ZSWIM6: variants seen among roughly 807,000 people sequenced by gnomAD.
ZSWIM6 encodes zinc finger SWIM domain-containing protein 6.
ZSWIM6 carries 9 observed loss-of-function variants against 113.2 expected under a neutral mutation model. That is an observed-to-expected ratio of 0.08 (90% CI 0.05 to 0.14). The LOEUF is 0.14. Ranked by LOEUF, ZSWIM6 falls within the 10% of genes least tolerant of loss-of-function variation. The pLI, the probability that ZSWIM6 is intolerant of heterozygous loss-of-function variation, is 1.00. For synonymous variants in ZSWIM6, 611 were observed against 606.5 expected (o/e 1.01, Z -0.11); for missense variants, 1,162 against 1,552.2 (o/e 0.75, Z 4.22).
At chr5:61,370,289 A>G (rs1745239216) in intron 1 of ZSWIM6, among the ~76,000 whole-genome samples, 1 of 152,258 alleles carries the variant, frequency 6.6e-6, no homozygotes, top group African/African-American at 2.4e-5. Context: ...AGAAGCAATG[A>G]AACCACATTT....
intron 4 of ZSWIM6, among the ~76,000 whole-genome samples, chr5:61,517,637 C>T (rs906870466): frequency 6.6e-6 from 1 of 151,722 alleles, no homozygotes; most frequent in Non-Finnish European, 1.5e-5. Flanking sequence ...CTGTTTTTTC[C>T]CCTTGAGAAT....
Position 61,530,207 on chromosome 5 carries a change from A to G in ZSWIM6, c.1984+9A>G. The G allele has an allele frequency of 6.5e-7, 1 of 1,544,990 alleles. No homozygotes were observed. The highest frequency in any genetic ancestry group is 1.2e-5 in the South Asian group (1 of 83,464). On this transcript the variant is annotated intron_variant, in intron 8 of 13. Coordinates refer to ENST00000252744, the MANE Select transcript of ZSWIM6 (RefSeq NM_020928.2). ...GTTCTCAGATTTTACAGGTAAAACC[A>G]TTGACATTTGTCTCATGTGCTTTTC...
intron 1 of ZSWIM6, among the ~76,000 whole-genome samples, chr5:61,393,694 C>T (rs897614686): frequency 3.4e-5 from 5 of 148,756 alleles, no homozygotes; most frequent in Admixed American, 1.4e-4. Context: ...GCTGAGATGG[C>T]GCCATTGCAC....
At chr5:61,512,517 A>G (rs1010901339) in intron 4 of ZSWIM6, among the ~76,000 whole-genome samples, 1 of 152,152 alleles carries the variant, frequency 6.6e-6, no homozygotes. Context: ...GTCAAAATAC[A>G]TTTAACTTCA....
chr5:61,337,508 T>G (rs1319237778), intron 1 of ZSWIM6, among the ~76,000 whole-genome samples: 2 of 152,250 alleles, frequency 1.3e-5, no homozygotes, highest in East Asian at 3.8e-4. Flanking sequence ...TGTATAGTGA[T>G]GCTCATTGCA....
chr5:61,525,703 G>A, intron 5 of ZSWIM6, 97 bp from the exon 6 acceptor site: 2 of 1,366,416 alleles, frequency 1.5e-6, no homozygotes, highest in Non-Finnish European at 2.0e-6. Flanking sequence ...CAATGTGTGT[G>A]GGTGTGTTCA....
chr5:61,384,902 A>C (rs572576314), intron 1 of ZSWIM6, among the ~76,000 whole-genome samples: 107 of 152,254 alleles, frequency 7.0e-4, no homozygotes, highest in African/African-American at 2.5e-3. Context: ...CTAAAAATAC[A>C]AAAAATAATT....
intron 1 of ZSWIM6, chr5:61,391,374 G>T (rs1249874046): frequency 1.2e-6 from 1 of 838,216 alleles, no homozygotes; most frequent in Non-Finnish European, 2.1e-6. Flanking sequence ...GGCACATCTG[G>T]GTGTAGGCAA....
intron 1 of ZSWIM6, among the ~76,000 whole-genome samples, chr5:61,424,638 C>T (rs1746426834): frequency 6.6e-6 from 1 of 152,044 alleles, no homozygotes; most frequent in Non-Finnish European, 1.5e-5. Context: ...CAGTAGCCCA[C>T]TCATGCTATG....
At chr5:61,387,633 A>C (rs1440455874) in intron 1 of ZSWIM6, among the ~76,000 whole-genome samples, 3 of 152,126 alleles carry the variant, frequency 2.0e-5, no homozygotes, top group Non-Finnish European at 4.4e-5. Flanking sequence ...TAGGTTGGGC[A>C]CAGTGGCTCA....
chr5:61,491,938 A>G (rs1206734730), intron 3 of ZSWIM6, among the ~76,000 whole-genome samples: 2 of 152,112 alleles, frequency 1.3e-5, no homozygotes, highest in South Asian at 2.1e-4. Context: ...GTAGATTGCA[A>G]ATTTCCCCAG....
At chr5:61,389,220 C>G (rs536807860) in intron 1 of ZSWIM6, among the ~76,000 whole-genome samples, 1 of 152,186 alleles carries the variant, frequency 6.6e-6, no homozygotes, top group South Asian at 2.1e-4. Flanking sequence ...ACATTTGTAT[C>G]CTGAAGTACA....
At chr5:61,510,604 A>T (rs895226002) in intron 4 of ZSWIM6, among the ~76,000 whole-genome samples, 1 of 151,860 alleles carries the variant, frequency 6.6e-6, no homozygotes, top group Non-Finnish European at 1.5e-5. Flanking sequence ...AGTATGGAAT[A>T]GGCAGTATTA....
chr5:61,480,998 G>T (rs1420044166), intron 2 of ZSWIM6, among the ~76,000 whole-genome samples: 1 of 152,098 alleles, frequency 6.6e-6, no homozygotes, highest in East Asian at 1.9e-4. Flanking sequence ...GCCTGAATAG[G>T]TTGAATTTGA....
chr5:61,490,013 G>A (rs764647830), intron 2 of ZSWIM6, among the ~76,000 whole-genome samples: 9 of 151,994 alleles, frequency 5.9e-5, no homozygotes, highest in Non-Finnish European at 1.0e-4. Context: ...ACAGTTTTTA[G>A]ATCTAATTTT....
At chr5:61,505,675 T>TCC (rs1561268420) in intron 4 of ZSWIM6, among the ~76,000 whole-genome samples, 1 of 38,062 alleles carries the variant, frequency 2.6e-5, no homozygotes. Context: ...TCCTTCCTTC[T>TCC]TTCCTTGCCT....
At chr5:61,363,622 G>T (rs1035871184) in intron 1 of ZSWIM6, among the ~76,000 whole-genome samples, 3 of 152,278 alleles carry the variant, frequency 2.0e-5, no homozygotes, top group East Asian at 1.9e-4. Flanking sequence ...GTTGGCTTGG[G>T]GGGTGGGGAG....
Position 61,359,696 on chromosome 5 carries a change from G to C in ZSWIM6, c.676+26748G>C, listed in dbSNP as rs190540858. On this transcript the variant is annotated intron_variant, in intron 1 of 13. Coordinates refer to ENST00000252744, the MANE Select transcript of ZSWIM6 (RefSeq NM_020928.2). ...AATTTTGGATGTGGGTTTGATGCTT[G>C]AAGAGCAACAATTGTTAATATTGAT... Among the ~76,000 whole-genome samples, 13 of 152,284 alleles carry C rather than the reference G, an allele frequency of 8.5e-5. No individual in the cohort carries two copies. The East Asian group carries it at 2.5e-3, about 29-fold the overall frequency.
intron 1 of ZSWIM6, among the ~76,000 whole-genome samples, chr5:61,402,489 A>G (rs888660576): frequency 1.3e-5 from 2 of 151,896 alleles, no homozygotes; most frequent in Non-Finnish European, 2.9e-5. Context: ...TTAAGTTAAA[A>G]TTTTGTAGCA....
Sources: allele counts gnomAD v4.1 joint callset (sites outside exome capture counted in the v4.1 genomes callset), GRCh38; gene constraint gnomAD v4.1.1; transcripts MANE v1.5; gene names NCBI Gene and HGNC (gene_info 2026-07-23, HGNC 2026-07-21).